Variants in RNGTT observed in about 807,000 individuals in gnomAD.
The protein encoded by RNGTT is RNA guanylyltransferase and 5'-phosphatase, also known as mRNA-capping enzyme.
RNGTT carries 33 observed loss-of-function variants against 79.3 expected under a neutral mutation model. The observed-to-expected ratio is 0.42, with a 90% CI of 0.32 to 0.56. The LOEUF (loss-of-function observed/expected upper bound fraction) is 0.56. Among genes scored for constraint, RNGTT ranks in the 20% least tolerant of loss-of-function variants. The probability of loss-of-function intolerance (pLI) is 0.17; values close to 1 mark genes in which losing one functional copy is unlikely to be tolerated. For missense variants in RNGTT, 497 were observed against 739.1 expected, an observed-to-expected ratio of 0.67 and a Z score of 3.80; for synonymous variants, 222 against 235.9, an observed-to-expected ratio of 0.94 and a Z score of 0.54.
At chr6:88,953,514 G>C (rs1178556529) in intron 1 of RNGTT, among the ~76,000 whole-genome samples, 3 of 152,172 alleles carry the variant, frequency 2.0e-5, no homozygotes, top group African/African-American at 7.2e-5. Flanking sequence ...TGTTCCTGAG[G>C]AAGAAGAGAA....
intron 11 of RNGTT, among the ~76,000 whole-genome samples, chr6:88,835,296 CAA>C (rs1157807098): frequency 2.0e-5 from 3 of 152,074 alleles, no homozygotes; most frequent in Admixed American, 1.3e-4. Context: ...TAAAATCACT[CAA>C]GAGTGATTCT....
chr6:88,631,987 G>T (rs1177471654), intron 14 of RNGTT, among the ~76,000 whole-genome samples: 6 of 152,186 alleles, frequency 3.9e-5, no homozygotes, highest in Admixed American at 2.6e-4. Context: ...TTGAGACAAG[G>T]TCTTGCTCTG....
intron 4 of RNGTT, among the ~76,000 whole-genome samples, chr6:88,917,662 G>A (rs769511447): frequency 8.5e-5 from 13 of 152,318 alleles, no homozygotes; most frequent in East Asian, 3.9e-4. Context: ...TGAGGGTGGC[G>A]GATCACTTGA....
chr6:88,876,210 C>T (rs895321132), intron 8 of RNGTT, among the ~76,000 whole-genome samples: 1 of 152,136 alleles, frequency 6.6e-6, no homozygotes, highest in African/African-American at 2.4e-5. Flanking sequence ...GAAATATACT[C>T]ATGTTAAGAT....
At chr6:88,870,404 A>G (rs1472520601) in intron 8 of RNGTT, among the ~76,000 whole-genome samples, 2 of 152,074 alleles carry the variant, frequency 1.3e-5, no homozygotes, top group African/African-American at 4.8e-5. Context: ...CAAGTCAAAT[A>G]ACTTTTCTAT....
In RNGTT at chr6:88,611,166, T is replaced by C. The variant is rs1772009927; in HGVS notation, c.*1553A>G. 1 of 152,404 alleles carries C rather than the reference T, an allele frequency of 6.6e-6. No individual in the cohort carries two copies. The highest frequency in any genetic ancestry group is 2.4e-5 in the African/African-American group (1 of 41,432). 9.4% of individuals were successfully genotyped at this position (152,404 alleles called of 1,614,324 possible). ...AAAAGCCCAAGCTTGACTCAACTAT[T>C]TCATATAGAAAAGCACTGCAGGAGA... is the stretch of plus-strand genomic sequence containing the variant. On this transcript the variant is annotated 3_prime_UTR_variant, in exon 16 of 16. Coordinates refer to ENST00000369485, the MANE Select transcript of RNGTT (RefSeq NM_003800.5).
intron 12 of RNGTT, among the ~76,000 whole-genome samples, chr6:88,791,725 G>C (rs12110557): frequency 1.3e-5 from 2 of 151,962 alleles, no homozygotes; most frequent in Admixed American, 6.6e-5. Context: ...ATTTTTAGTA[G>C]AGACAGGGTT....
intron 11 of RNGTT, among the ~76,000 whole-genome samples, chr6:88,838,276 G>T (rs188719286): frequency 1.5e-3 from 229 of 152,178 alleles, no homozygotes; most frequent in South Asian, 1.7e-3. Context: ...GTGCAGTAAG[G>T]CAGGAGAATA....
At chr6:88,926,937 G>A (rs1055837800) in intron 4 of RNGTT, among the ~76,000 whole-genome samples, 8 of 152,136 alleles carry the variant, frequency 5.3e-5, no homozygotes, top group African/African-American at 1.9e-4. Flanking sequence ...TTGTTTCCAG[G>A]AAAGTTGCTG....
At chr6:88,752,011 C>G (rs1447886850) in intron 13 of RNGTT, among the ~76,000 whole-genome samples, 1 of 151,958 alleles carries the variant, frequency 6.6e-6, no homozygotes, top group Admixed American at 6.6e-5. Context: ...TCTTCCATAC[C>G]CTCCCCCCAT....
At chr6:88,646,616 G>A (rs1467554947) in intron 14 of RNGTT, among the ~76,000 whole-genome samples, 6 of 152,128 alleles carry the variant, frequency 3.9e-5, no homozygotes, top group African/African-American at 1.4e-4. Flanking sequence ...ATGATAGACT[G>A]GATTAAGAAA....
At chr6:88,787,911 T>G (rs555136769) in intron 12 of RNGTT, among the ~76,000 whole-genome samples, 1 of 152,372 alleles carries the variant, frequency 6.6e-6, no homozygotes, top group South Asian at 2.1e-4. Flanking sequence ...TTTAAGTAAC[T>G]GCATTTAGTA....
chr6:88,962,156 G>A (rs1434385385), intron 1 of RNGTT, among the ~76,000 whole-genome samples: 1 of 152,180 alleles, frequency 6.6e-6, no homozygotes, highest in Non-Finnish European at 1.5e-5. Context: ...ATCAGTGGCT[G>A]CCAGGCGAAG....
At chr6:88,875,665 A>T (rs1254291421) in intron 8 of RNGTT, among the ~76,000 whole-genome samples, 1 of 152,130 alleles carries the variant, frequency 6.6e-6, no homozygotes, top group Non-Finnish European at 1.5e-5. Context: ...GTGAGTATTA[A>T]ATGAGATAAA....
intron 9 of RNGTT, among the ~76,000 whole-genome samples, chr6:88,851,497 T>G (rs1390478087): frequency 6.6e-6 from 1 of 152,080 alleles, no homozygotes; most frequent in African/African-American, 2.4e-5. Context: ...CCAAAATTCT[T>G]GCCATTAACT....
intron 14 of RNGTT, among the ~76,000 whole-genome samples, chr6:88,649,493 C>G (rs1048999857): frequency 6.6e-6 from 1 of 152,098 alleles, no homozygotes; most frequent in Non-Finnish European, 1.5e-5. Flanking sequence ...GTCAGGAGAT[C>G]GAGACCAGCC....
At chr6:88,801,852 C>CAT (rs1485267679) in intron 11 of RNGTT, among the ~76,000 whole-genome samples, 1 of 151,320 alleles carries the variant, frequency 6.6e-6, no homozygotes, top group Admixed American at 6.6e-5. Flanking sequence ...CACACACACA[C>CAT]ACACACAAAT....
intron 13 of RNGTT, among the ~76,000 whole-genome samples, chr6:88,757,856 T>C (rs540719345): frequency 1.3e-5 from 2 of 152,302 alleles, no homozygotes; most frequent in South Asian, 4.1e-4. Context: ...AAGTTAATTC[T>C]AAACTCTTTG....
intron 12 of RNGTT, among the ~76,000 whole-genome samples, chr6:88,771,539 C>G (rs1026919723): frequency 1.3e-5 from 2 of 151,732 alleles, no homozygotes; most frequent in African/African-American, 4.8e-5. Flanking sequence ...ATTTACATTT[C>G]CACATACATT....
Sources: allele counts gnomAD v4.1 joint callset (sites outside exome capture counted in the v4.1 genomes callset), GRCh38; gene constraint gnomAD v4.1.1; transcripts MANE v1.5; gene names NCBI Gene and HGNC (gene_info 2026-07-23, HGNC 2026-07-21).